BABAM2: variants seen among roughly 807,000 people sequenced by gnomAD.
The protein encoded by BABAM2 is BRISC and BRCA1 A complex member 2.
A neutral mutation model predicts 54.7 loss-of-function variants in BABAM2; 31 were observed. The ratio of observed to expected loss-of-function variants is 0.57; its 90% confidence interval spans 0.43 to 0.77. The LOEUF is 0.77. Ranked by LOEUF, BABAM2 falls within the 30% of genes least tolerant of loss-of-function variation. The pLI, the probability that BABAM2 is intolerant of heterozygous loss-of-function variation, is 0.00. For missense variants in BABAM2, 364 were observed against 455.8 expected (o/e 0.80, Z 1.83); for synonymous variants, 167 against 162.9 (o/e 1.03, Z -0.19).
At chr2:28,245,354 C>T (rs1558468401) in intron 10 of BABAM2, among the ~76,000 whole-genome samples, 2 of 152,154 alleles carry the variant, frequency 1.3e-5, no homozygotes, top group Non-Finnish European at 2.9e-5. Flanking sequence ...TGGTTATCAT[C>T]CTTATTCAAT....
intron 7 of BABAM2, among the ~76,000 whole-genome samples, chr2:28,217,905 C>A (rs1245966019): frequency 6.6e-6 from 1 of 152,104 alleles, no homozygotes; most frequent in East Asian, 1.9e-4. Context: ...TCTTAAAATT[C>A]TCTGTATCAT....
rs1159081825 is a variant in BABAM2 at position 27,980,997 on chromosome 2, CACATAT to C, written c.206-6993_206-6988del. Among the ~76,000 whole-genome samples the C allele has an allele frequency of 5.3e-5, 8 of 152,012 alleles. No individual in the cohort carries two copies. In the East Asian group the frequency reaches 1.5e-3, roughly 29 times the overall value. On this transcript the variant is annotated intron_variant, in intron 3 of 11. Transcript: ENST00000379624. ...ACATTATGTGCTTGTATGAAAATAT[CACATAT>C]ACCCCATAAATAAGTACAGCATTAT... is the stretch of plus-strand genomic sequence containing the variant.
chr2:28,181,029 G>A (rs1043351658), intron 7 of BABAM2, among the ~76,000 whole-genome samples: 7 of 152,154 alleles, frequency 4.6e-5, no homozygotes, highest in African/African-American at 1.4e-4. Flanking sequence ...AATTAGTACA[G>A]CCATTGTGGA....
chr2:28,235,215 G>A (rs946918586), intron 7 of BABAM2, among the ~76,000 whole-genome samples: 5 of 151,992 alleles, frequency 3.3e-5, no homozygotes, highest in African/African-American at 7.3e-5. Flanking sequence ...CACTTTTATC[G>A]CCCGGGCTGG....
At chr2:28,018,139 A>G (rs932605466) in intron 4 of BABAM2, among the ~76,000 whole-genome samples, 1 of 152,156 alleles carries the variant, frequency 6.6e-6, no homozygotes, top group African/African-American at 2.4e-5. Context: ...ATTTCTTGCT[A>G]TCCTCACCCT....
intron 9 of BABAM2, among the ~76,000 whole-genome samples, chr2:28,243,253 G>C (rs1177925818): frequency 6.6e-6 from 1 of 152,090 alleles, no homozygotes; most frequent in Non-Finnish European, 1.5e-5. Context: ...TCATAGAGAG[G>C]CCAGGCACAG....
At chr2:28,023,458 G>T (rs1675420366) in intron 4 of BABAM2, among the ~76,000 whole-genome samples, 1 of 152,196 alleles carries the variant, frequency 6.6e-6, no homozygotes, top group Admixed American at 6.5e-5. Flanking sequence ...ATACGGTGCT[G>T]TTATATCCTA....
intron 7 of BABAM2, among the ~76,000 whole-genome samples, chr2:28,138,362 T>C (rs1035101528): frequency 1.3e-5 from 2 of 152,132 alleles, no homozygotes; most frequent in Admixed American, 6.5e-5. Flanking sequence ...GTAACCAAAG[T>C]TGACACAGTA....
intron 11 of BABAM2, among the ~76,000 whole-genome samples, chr2:28,301,279 C>T (rs1395213938): frequency 6.6e-6 from 1 of 152,200 alleles, no homozygotes; most frequent in African/African-American, 2.4e-5. Context: ...AACAATGTAA[C>T]CTCAGAAAGG....
At chr2:28,310,274 C>T in intron 11 of BABAM2, 1 of 983,908 alleles carries the variant, frequency 1.0e-6, no homozygotes, top group South Asian at 1.5e-5. Flanking sequence ...GGAAGCCACT[C>T]ACCATCCTCT....
intron 7 of BABAM2, among the ~76,000 whole-genome samples, chr2:28,160,055 C>G (rs976757046): frequency 6.6e-5 from 10 of 152,108 alleles, no homozygotes; most frequent in Non-Finnish European, 1.5e-4. Context: ...AATCATAGCT[C>G]ACTGTAACCA....
At chr2:28,042,474 A>C (rs554695574) in intron 5 of BABAM2, among the ~76,000 whole-genome samples, 1 of 152,154 alleles carries the variant, frequency 6.6e-6, no homozygotes, top group Admixed American at 6.5e-5. Flanking sequence ...CAAGTAAAGA[A>C]TGTTCCAGGA....
intron 6 of BABAM2, among the ~76,000 whole-genome samples, chr2:28,047,400 T>A (rs1677665113): frequency 6.6e-6 from 1 of 152,210 alleles, no homozygotes; most frequent in Non-Finnish European, 1.5e-5. Flanking sequence ...TTCAACAGCA[T>A]ATGAAAGTAC....
intron 3 of BABAM2, among the ~76,000 whole-genome samples, chr2:27,943,060 G>T (rs949321949): frequency 1.3e-5 from 2 of 152,026 alleles, no homozygotes; most frequent in Non-Finnish European, 2.9e-5. Flanking sequence ...CAAAGTGTTG[G>T]GATTGCAGGC....
chr2:28,009,392 C>G (rs1468630106), intron 4 of BABAM2, among the ~76,000 whole-genome samples: 2 of 151,958 alleles, frequency 1.3e-5, no homozygotes, highest in African/African-American at 4.8e-5. Flanking sequence ...ATATTGGCAG[C>G]CTTCTATTAA....
chr2:28,108,006 C>T (rs1234408061), intron 6 of BABAM2, among the ~76,000 whole-genome samples: 1 of 151,884 alleles, frequency 6.6e-6, no homozygotes, highest in Non-Finnish European at 1.5e-5. Context: ...CTTGGTTTAT[C>T]TGAGGGGAAA....
At chr2:28,184,292 C>CCCCT (rs1558415682) in intron 7 of BABAM2, among the ~76,000 whole-genome samples, 6 of 139,666 alleles carry the variant, frequency 4.3e-5, no homozygotes, top group Admixed American at 1.4e-4. Flanking sequence ...CTCTCCCCCC[C>CCCCT]TCCCTCTCTC....
chr2:28,038,164 A>C (rs1676801962), intron 5 of BABAM2, among the ~76,000 whole-genome samples: 1 of 152,134 alleles, frequency 6.6e-6, no homozygotes, highest in African/African-American at 2.4e-5. Context: ...CCAGAGAAAA[A>C]TTATGCTTTA....
chr2:28,330,284 G>A, intron 11 of BABAM2, among the ~76,000 whole-genome samples: 1 of 152,174 alleles, frequency 6.6e-6, no homozygotes, highest in African/African-American at 2.4e-5. Context: ...AGACAAGGAT[G>A]CCCTCTCTCA....
Sources: allele counts gnomAD v4.1 joint callset (sites outside exome capture counted in the v4.1 genomes callset), GRCh38; gene constraint gnomAD v4.1.1; transcripts MANE v1.5; gene names NCBI Gene and HGNC (gene_info 2026-07-23, HGNC 2026-07-21).